XPNPEP2: variants seen among roughly 807,000 people sequenced by gnomAD.
XPNPEP2 encodes X-prolyl aminopeptidase 2, also known as xaa-Pro aminopeptidase 2.
In XPNPEP2, 64 loss-of-function variants were observed where a neutral mutation model predicts 59.8. The ratio of observed to expected loss-of-function variants is 1.07; its 90% CI spans 0.87 to 1.32. The LOEUF is 1.32. XPNPEP2 is among the 40% of genes most tolerant of loss of function. The pLI is 0.00. For synonymous variants in XPNPEP2, 235 were observed against 210.0 expected, an observed-to-expected ratio of 1.12 and a Z score of -1.03; for missense variants, 575 against 546.8, an observed-to-expected ratio of 1.05 and a Z score of -0.51.
rs772756906 is a variant in XPNPEP2 at position 129,746,682 on chromosome X, G to C, written c.490+1G>C. On this transcript the variant is annotated splice_donor_variant, in intron 6 of 20. Coordinates refer to ENST00000371106, the MANE Select transcript of XPNPEP2 (RefSeq NM_003399.6). LOFTEE classifies it high-confidence loss of function. Reference sequence around the variant, plus strand: ...TTTGACCCCTTCCTCTTGTCCATTGGTATGCTCTTCCTTCAGTCCCTGAAT... The same window carrying C: ...TTTGACCCCTTCCTCTTGTCCATTGCTATGCTCTTCCTTCAGTCCCTGAAT... 21 of 1,204,106 alleles carry C rather than the reference G, an allele frequency of 1.7e-5. No homozygotes were observed. The East Asian group carries it at 5.9e-4, about 34-fold the overall frequency.
chrX:129,768,274 C>G lies in XPNPEP2; in HGVS notation c.1831-17C>G. 7.9e-6 allele frequency: 9 copies of G among 1,139,705 alleles called. No individual in the cohort carries two copies. Among genetic ancestry groups the G allele is most frequent in the Non-Finnish European group, 1.0e-5 (9 of 860,372 alleles). The allele number at this position is 1,139,705 out of a possible 1,213,427, so 93.9% of individuals were successfully genotyped here. ...AGCTTGGCTTAGAGAGGCTGTCACC[C>G]CTTCTATCCTTCGCAGCTCCAGTAC... is the stretch of plus-strand genomic sequence containing the variant. On this transcript the variant is annotated splice_polypyrimidine_tract_variant and intron_variant, in intron 20 of 20. Transcript: ENST00000371106.
In XPNPEP2 at chrX:129,767,565, A is replaced by C. The variant is rs199606689; in HGVS notation, c.1741-38A>C. On this transcript the variant is annotated intron_variant, in intron 19 of 20. Coordinates refer to ENST00000371106, the MANE Select transcript of XPNPEP2 (RefSeq NM_003399.6). ...TCAGCCCAGTTCCTCCTCCTCCCTC[A>C]CTGTCCTGCTTACCCGGCTTCTATT... 5.1e-6 allele frequency: 6 copies of C among 1,181,043 alleles called. No homozygotes were observed. In the South Asian group the frequency reaches 1.1e-4, roughly 21 times the overall value.
rs1229427281 is a variant in XPNPEP2, at chrX:129,754,440, G to A, written c.1108-32G>A. Reference sequence around the variant, plus strand: ...TGTGGCTGCAACCAGACCTCACCCGGCTCCTCTGTTTCCCTGCTTCCCCAA... The same window carrying A: ...TGTGGCTGCAACCAGACCTCACCCGACTCCTCTGTTTCCCTGCTTCCCCAA... On this transcript the variant is annotated intron_variant, in intron 11 of 20. Transcript: ENST00000371106. The A allele has an allele frequency of 3.5e-6, 4 of 1,140,904 alleles. No homozygotes were observed. The South Asian group carries it at 8.0e-5, about 23-fold the overall frequency. The allele number at this position is 1,140,904 out of a possible 1,213,427, so 94.0% of individuals were successfully genotyped here. A position where few individuals can be genotyped will look rare whatever the true frequency, so the allele number is the denominator to read the frequency against.
chrX:129,757,574 G>A (rs2124040005), intron 14 of XPNPEP2, among the ~76,000 whole-genome samples: 1 of 107,843 alleles, frequency 9.3e-6, no homozygotes, highest in South Asian at 4.1e-4. Flanking sequence ...GGGAGGCCGA[G>A]GCGGGCAGAT....
At chrX:129,755,774 T>C (rs1926506666) in intron 13 of XPNPEP2, among the ~76,000 whole-genome samples, 1 of 112,836 alleles carries the variant, frequency 8.9e-6, no homozygotes, top group Non-Finnish European at 1.9e-5. Flanking sequence ...CCTGCAGGCC[T>C]GCCTGATGAA....
chrX:129,746,944 A>C, intron 6 of XPNPEP2: 1 of 377,655 alleles, frequency 2.6e-6, no homozygotes, highest in South Asian at 3.6e-5. Context: ...TGAATCATTA[A>C]AGAGCTAGTG....
intron 19 of XPNPEP2, among the ~76,000 whole-genome samples, chrX:129,766,287 T>C (rs1215507076): frequency 8.9e-6 from 1 of 112,261 alleles, no homozygotes; most frequent in Non-Finnish European, 1.9e-5. Flanking sequence ...TGAATTGATA[T>C]AGGTTTTCCT....
chrX:129,762,615 C>A lies in XPNPEP2; in HGVS notation c.1664-79C>A, dbSNP rs1033177797. 6 of 916,663 alleles carry A rather than the reference C, an allele frequency of 6.5e-6. No individual in the cohort carries two copies. In the African/African-American group the frequency reaches 9.7e-5, roughly 15 times the overall value. 75.5% of individuals were successfully genotyped at this position (916,663 alleles called of 1,213,427 possible). A position where few individuals can be genotyped will look rare whatever the true frequency, so the allele number is the denominator to read the frequency against. On this transcript the variant is annotated intron_variant, in intron 18 of 20. Coordinates refer to ENST00000371106, the MANE Select transcript of XPNPEP2 (RefSeq NM_003399.6). ...ACAGCCAGACAGCCAGTCCCTCCAG[C>A]CACTCATCAGTAGGTACAGGAAGCC...
Position 129,751,947 on chromosome X carries a change from G to A in XPNPEP2, c.821+121G>A, listed in dbSNP as rs780627562. The A allele has an allele frequency of 4.8e-6, 4 of 830,896 alleles. No homozygotes were observed. The South Asian group carries it at 9.0e-5, about 19-fold the overall frequency. The allele number at this position is 830,896 out of a possible 1,213,427, so 68.5% of individuals were successfully genotyped here. On this transcript the variant is annotated intron_variant, in intron 9 of 20. Coordinates refer to ENST00000371106, the MANE Select transcript of XPNPEP2 (RefSeq NM_003399.6). ...GCTGCCCATCAGCTCGGCGCCTGCTGCAGCACGACCCTTTAGAAAACCCCC... is the reference window on the plus strand; with the variant it reads ...GCTGCCCATCAGCTCGGCGCCTGCTACAGCACGACCCTTTAGAAAACCCCC...
chrX:129,748,876 TCAA>T (rs1247436982), intron 7 of XPNPEP2, among the ~76,000 whole-genome samples: 2 of 111,182 alleles, frequency 1.8e-5, no homozygotes, highest in Non-Finnish European at 3.8e-5. Flanking sequence ...CTGCCAGTCT[TCAA>T]GAAAAAGGCA....
At chrX:129,742,034 T>C in intron 1 of XPNPEP2, 74 bp from the exon 2 acceptor site, 3 of 1,004,942 alleles carry the variant, frequency 3.0e-6, no homozygotes, top group Non-Finnish European at 4.2e-6. Flanking sequence ...TGGGGCGGGC[T>C]GAGAGGATAC....
At chrX:129,746,442 T>A (rs1027472532) in intron 5 of XPNPEP2, 102 bp downstream of exon 5, 20 of 964,594 alleles carry the variant, frequency 2.1e-5, no homozygotes, top group Middle Eastern at 2.9e-4. Flanking sequence ...TGGGCCTCTA[T>A]GGGGAGCTTA....
intron 12 of XPNPEP2, 85 bp from the exon 13 acceptor site, chrX:129,755,209 C>A: frequency 2.1e-6 from 2 of 950,332 alleles, no homozygotes; most frequent in Non-Finnish European, 3.0e-6. Context: ...GCAGCCATGA[C>A]CTTCATTGGA....
intron 15 of XPNPEP2, among the ~76,000 whole-genome samples, chrX:129,759,964 C>G (rs965187904): frequency 2.7e-5 from 3 of 112,042 alleles, no homozygotes; most frequent in African/African-American, 9.8e-5. Flanking sequence ...AGTCAGCAAA[C>G]CTCAACCCTC....
chrX:129,756,225 C>A (rs1926514992), intron 13 of XPNPEP2, among the ~76,000 whole-genome samples: 1 of 112,210 alleles, frequency 8.9e-6, no homozygotes, highest in Non-Finnish European at 1.9e-5. Context: ...GCTCTCCCAG[C>A]TCTCATATTC....
At chrX:129,742,722 T>C (rs1926217411) in intron 2 of XPNPEP2, among the ~76,000 whole-genome samples, 1 of 110,324 alleles carries the variant, frequency 9.1e-6, no homozygotes, top group African/African-American at 3.3e-5. Context: ...GGCAACATGG[T>C]GAAACCCCGT....
intron 8 of XPNPEP2, 47 bp from the exon 9 acceptor site, chrX:129,751,698 C>T: frequency 9.1e-7 from 1 of 1,096,234 alleles, no homozygotes; most frequent in Non-Finnish European, 1.3e-6. Context: ...GAAAAGCTTG[C>T]CTCAGGCAGA....
chrX:129,756,042 G>T (rs1273724208), intron 13 of XPNPEP2, among the ~76,000 whole-genome samples: 2 of 112,074 alleles, frequency 1.8e-5, no homozygotes, highest in Admixed American at 1.9e-4. Context: ...TCTTCTCAGG[G>T]CCCTCTGCTC....
chrX:129,763,612 G>A (rs1926696521), intron 19 of XPNPEP2, among the ~76,000 whole-genome samples: 1 of 111,511 alleles, frequency 9.0e-6, no homozygotes, highest in South Asian at 3.8e-4. Flanking sequence ...GGTTGAGGCT[G>A]CAGTGAGCTG....
Sources: gnomAD v4.1 joint callset for allele counts (sites outside exome capture counted in the v4.1 genomes callset) on GRCh38, gnomAD v4.1.1 for gene constraint, MANE v1.5 for transcripts, NCBI Gene and HGNC (gene_info 2026-07-23, HGNC 2026-07-21) for gene names.